OTUD7A: variants seen among roughly 807,000 people sequenced by gnomAD.
The protein encoded by OTUD7A is OTU deubiquitinase 7A, also known as OTU domain-containing protein 7A.
OTUD7A carries 12 observed loss-of-function variants against 65.7 expected under a neutral mutation model. The ratio of observed to expected loss-of-function variants is 0.18; its 90% CI spans 0.12 to 0.30. The LOEUF is 0.30. OTUD7A is among the 10% of genes least tolerant of loss of function. OTUD7A has a pLI of 1.00. For missense variants in OTUD7A, 1,148 were observed against 1,304.8 expected (o/e 0.88, Z 1.85); for synonymous variants, 641 against 586.3 (o/e 1.09, Z -1.35).
At position 31,573,277 on chromosome 15, in the gene OTUD7A, G is replaced by C. The variant is rs1889106596; in HGVS notation, c.152-3080C>G. ...ATGCCCATCCAGTCTACTCTTTTCT[G>C]TATAAAGGCTGTAGACAAACCATTT... On this transcript the variant is annotated intron_variant, in intron 3 of 12. Coordinates refer to ENST00000307050, the MANE Select transcript of OTUD7A (RefSeq NM_001382637.1). Among the ~76,000 whole-genome samples, 3 of 152,180 alleles carry C rather than the reference G, an allele frequency of 2.0e-5. No individual in the cohort carries two copies. The South Asian group carries it at 6.2e-4, about 31-fold the overall frequency.
At chr15:31,588,848 T>C (rs919514462) in intron 3 of OTUD7A, among the ~76,000 whole-genome samples, 5 of 152,206 alleles carry the variant, frequency 3.3e-5, no homozygotes, top group Admixed American at 6.5e-5. Context: ...TATGGCAGCC[T>C]GGAGGGCAGG....
chr15:31,630,605 G>T (rs1891114677), intron 3 of OTUD7A, among the ~76,000 whole-genome samples: 1 of 152,188 alleles, frequency 6.6e-6, no homozygotes, highest in African/African-American at 2.4e-5. Flanking sequence ...TATTAGGTCT[G>T]CCTGCTGCAG....
At chr15:31,537,267 C>T (rs1049045427) in intron 5 of OTUD7A, among the ~76,000 whole-genome samples, 6 of 152,186 alleles carry the variant, frequency 3.9e-5, no homozygotes, top group East Asian at 3.8e-4. Flanking sequence ...CACTCTTCAG[C>T]GCTTTTTGGT....
chr15:31,591,057 C>A (rs766275879), intron 3 of OTUD7A, among the ~76,000 whole-genome samples: 14 of 152,104 alleles, frequency 9.2e-5, no homozygotes, highest in Non-Finnish European at 1.6e-4. Context: ...GCCAGGGGGT[C>A]TGCACAAGGG....
intron 3 of OTUD7A, among the ~76,000 whole-genome samples, chr15:31,592,895 AAAAAAAAAAATATATATATATAT>A (rs1422998736): frequency 1.8e-4 from 11 of 60,448 alleles, no homozygotes; most frequent in Non-Finnish European, 2.4e-4. Context: ...AAAAAAAAAA[AAAAAAAAAAATATATATATATAT>A]ATATATATAT....
chr15:31,690,147 T>C, intron 1 of OTUD7A, among the ~76,000 whole-genome samples: 1 of 152,202 alleles, frequency 6.6e-6, no homozygotes, highest in Non-Finnish European at 1.5e-5. Context: ...CTCTGATACC[T>C]GCTATATTTT....
chr15:31,761,176 A>C (rs748198796), intron 1 of OTUD7A, among the ~76,000 whole-genome samples: 5 of 152,186 alleles, frequency 3.3e-5, no homozygotes, highest in Admixed American at 6.5e-5. Flanking sequence ...AGAACAGATA[A>C]ATTGAACTTC....
chr15:31,510,172 G>C lies in OTUD7A; in HGVS notation c.894-6354C>G, dbSNP rs181885323. ...TTGCATGGCTGTAGTCTTGGCCCCC[G>C]GCCGGCTGCAGTCCTGGCCCAGGGC... On this transcript the variant is annotated intron_variant, in intron 8 of 12. Transcript: ENST00000307050. Among the ~76,000 whole-genome samples, 10 of 151,504 alleles carry C rather than the reference G, an allele frequency of 6.6e-5. No individual in the cohort carries two copies. The East Asian group carries it at 1.7e-3, about 26-fold the overall frequency.
At chr15:31,570,484 C>T (rs1282607536) in intron 3 of OTUD7A, among the ~76,000 whole-genome samples, 3 of 144,986 alleles carry the variant, frequency 2.1e-5, no homozygotes, top group Admixed American at 2.0e-4. Context: ...CACACACACA[C>T]ACATCTAAAC....
chr15:31,565,080 T>A (rs1029857353), intron 4 of OTUD7A, among the ~76,000 whole-genome samples: 1 of 152,176 alleles, frequency 6.6e-6, no homozygotes, highest in Non-Finnish European at 1.5e-5. Flanking sequence ...AAGACACAGA[T>A]AATATGTATT....
chr15:31,605,225 C>A (rs1890205223), intron 3 of OTUD7A, among the ~76,000 whole-genome samples: 2 of 151,970 alleles, frequency 1.3e-5, no homozygotes, highest in African/African-American at 4.8e-5. Context: ...TGTTATGTGG[C>A]ATGTGTGTGG....
At chr15:31,581,102 CTACAG>C (rs1889358433) in intron 3 of OTUD7A, among the ~76,000 whole-genome samples, 1 of 152,296 alleles carries the variant, frequency 6.6e-6, no homozygotes, top group African/African-American at 2.4e-5. Context: ...AAGGAAGGGG[CTACAG>C]GCCCCATGCA....
chr15:31,850,004 A>G lies in OTUD7A; in HGVS notation c.-100+20503T>C, dbSNP rs8034887. On this transcript the variant is annotated intron_variant, in intron 1 of 12. Transcript: ENST00000307050. ...CAACCATTGTGGAAGACAGTGTGGC[A>G]ATTCCTCAAGGATCTAGAACTAGAA... is the stretch of plus-strand genomic sequence containing the variant. Among the ~76,000 whole-genome samples the G allele has an allele frequency of 7.0e-3, 1,067 of 152,302 alleles. 15 individuals carry two copies. The highest frequency in any genetic ancestry group is 0.025 in the African/African-American group (1,027 of 41,566).
chr15:31,592,904 A>AAAAAAAAATATATAT (rs1416029921), intron 3 of OTUD7A, among the ~76,000 whole-genome samples: 3 of 59,388 alleles, frequency 5.1e-5, no homozygotes, highest in African/African-American at 8.0e-5. Flanking sequence ...AAAAAAAAAA[A>AAAAAAAAATATATAT]ATATATATAT....
At chr15:31,571,454 G>A (rs1341938425) in intron 3 of OTUD7A, among the ~76,000 whole-genome samples, 1 of 152,168 alleles carries the variant, frequency 6.6e-6, no homozygotes, top group Non-Finnish European at 1.5e-5. Flanking sequence ...CAGAAGAACA[G>A]TCAAGAACAC....
intron 3 of OTUD7A, among the ~76,000 whole-genome samples, chr15:31,602,627 T>C (rs1477553617): frequency 2.0e-5 from 3 of 152,030 alleles, no homozygotes; most frequent in Admixed American, 1.3e-4. Flanking sequence ...GAGAAAGAAA[T>C]AAAGGGTATT....
intron 1 of OTUD7A, among the ~76,000 whole-genome samples, chr15:31,737,336 C>CA (rs1296421510): frequency 1.3e-5 from 2 of 152,058 alleles, no homozygotes; most frequent in Non-Finnish European, 2.9e-5. Flanking sequence ...AAAACTCCAG[C>CA]AAAAGACACG....
At chr15:31,544,276 A>C (rs1299495620) in intron 5 of OTUD7A, among the ~76,000 whole-genome samples, 1 of 151,852 alleles carries the variant, frequency 6.6e-6, no homozygotes, top group Non-Finnish European at 1.5e-5. Flanking sequence ...TACTTGCAAG[A>C]GTTAAAAAGA....
intron 1 of OTUD7A, among the ~76,000 whole-genome samples, chr15:31,696,944 G>C (rs1412067344): frequency 3.3e-5 from 5 of 151,224 alleles, no homozygotes; most frequent in African/African-American, 1.2e-4. Context: ...CACCTGTCCT[G>C]GGTGTGGGGT....
Sources: gnomAD v4.1 joint callset for allele counts (sites outside exome capture counted in the v4.1 genomes callset) on GRCh38, gnomAD v4.1.1 for gene constraint, MANE v1.5 for transcripts, NCBI Gene and HGNC (gene_info 2026-07-23, HGNC 2026-07-21) for gene names.